TBCA: variants seen among roughly 807,000 people sequenced by gnomAD.
The protein encoded by TBCA is tubulin-specific chaperone A.
Under a neutral mutation model 15.8 loss-of-function variants are expected in TBCA, and 6 were observed. That is an observed-to-expected ratio of 0.38 (90% confidence interval 0.21 to 0.75). The LOEUF (loss-of-function observed/expected upper bound fraction) is 0.75. Ranked by LOEUF, TBCA falls within the 30% of genes least tolerant of loss-of-function variation. TBCA has a pLI of 0.46. For synonymous variants in TBCA, 32 were observed against 42.3 expected (o/e 0.76, Z 0.94); for missense variants, 90 against 131.2 (o/e 0.69, Z 1.53).
chr5:77,750,240 T>C (rs981112560), intron 1 of TBCA, among the ~76,000 whole-genome samples: 1 of 151,860 alleles, frequency 6.6e-6, no homozygotes, highest in African/African-American at 2.4e-5. Context: ...GATATATATA[T>C]CCTATTCAAA....
chr5:77,711,378 T>C (rs1746274883), intron 1 of TBCA, among the ~76,000 whole-genome samples: 1 of 152,176 alleles, frequency 6.6e-6, no homozygotes. Context: ...TTCCACTTAA[T>C]TCTGTCCATC....
intron 1 of TBCA, among the ~76,000 whole-genome samples, chr5:77,745,223 A>C (rs1296357739): frequency 6.6e-6 from 1 of 152,192 alleles, no homozygotes; most frequent in East Asian, 1.9e-4. Context: ...GAAGCAGAAA[A>C]CATTAGTATT....
chr5:77,693,550 G>A (rs1291866558), intron 2 of TBCA, 198 bp from the exon 3 acceptor site: 2 of 658,526 alleles, frequency 3.0e-6, no homozygotes, highest in South Asian at 1.8e-5. Context: ...TGTAATCCCA[G>A]CATTTTGGGA....
chr5:77,769,071 C>T (rs1272884521), intron 1 of TBCA, among the ~76,000 whole-genome samples: 1 of 152,190 alleles, frequency 6.6e-6, no homozygotes, highest in Non-Finnish European at 1.5e-5. Context: ...AGCCTTCTCC[C>T]TCTCCAGCTT....
At chr5:77,727,515 A>G (rs1168486552) in intron 1 of TBCA, among the ~76,000 whole-genome samples, 5 of 152,120 alleles carry the variant, frequency 3.3e-5, no homozygotes, top group African/African-American at 4.8e-5. Flanking sequence ...AAGTATAAAC[A>G]GAAAAGCAAT....
chr5:77,730,001 A>G (rs1746728018), intron 1 of TBCA, among the ~76,000 whole-genome samples: 1 of 152,194 alleles, frequency 6.6e-6, no homozygotes, highest in Admixed American at 6.5e-5. Flanking sequence ...TAAGTTTTAT[A>G]AATGTTTCCA....
chr5:77,743,467 C>T (rs1747096540), intron 1 of TBCA, among the ~76,000 whole-genome samples: 2 of 152,230 alleles, frequency 1.3e-5, no homozygotes, highest in South Asian at 4.1e-4. Flanking sequence ...AGTTCTGACC[C>T]TGAGTGCAGA....
chr5:77,731,908 G>C (rs1357859213), intron 1 of TBCA, among the ~76,000 whole-genome samples: 1 of 150,728 alleles, frequency 6.6e-6, no homozygotes, highest in South Asian at 2.1e-4. Flanking sequence ...ATTTCTAGCA[G>C]AGTTTCACTG....
At chr5:77,741,387 T>C (rs1052390470) in intron 1 of TBCA, among the ~76,000 whole-genome samples, 31 of 152,100 alleles carry the variant, frequency 2.0e-4, no homozygotes, top group African/African-American at 5.3e-4. Flanking sequence ...TCACAGAATG[T>C]TGGCTTTCAA....
At chr5:77,727,133 A>G (rs928431740) in intron 1 of TBCA, among the ~76,000 whole-genome samples, 5 of 149,988 alleles carry the variant, frequency 3.3e-5, no homozygotes, top group African/African-American at 1.2e-4. Context: ...GATACTTGGG[A>G]GGCTGAGGCA....
At chr5:77,776,184 G>A in intron 1 of TBCA, 21 bp downstream of exon 1, 1 of 1,554,874 alleles carries the variant, frequency 6.4e-7, no homozygotes, top group African/African-American at 1.4e-5. Context: ...GAGGTGCAGG[G>A]CGCCGCTCCC....
chr5:77,715,190 C>T, intron 1 of TBCA: 1 of 693,096 alleles, frequency 1.4e-6, no homozygotes. Flanking sequence ...TTTTTAGTTA[C>T]ATAAAAATGT....
chr5:77,708,217 A>G (rs1380987677), intron 2 of TBCA, 25 bp downstream of exon 2: 5 of 1,473,706 alleles, frequency 3.4e-6, no homozygotes, highest in African/African-American at 1.4e-5. Flanking sequence ...AATGTTAGCT[A>G]TTGTTATTTA....
intron 2 of TBCA, among the ~76,000 whole-genome samples, chr5:77,701,419 G>C (rs1164646918): frequency 6.6e-6 from 1 of 151,784 alleles, no homozygotes; most frequent in Non-Finnish European, 1.5e-5. Context: ...AATAGATGTT[G>C]GTGTGCATGT....
chr5:77,721,063 T>C (rs1746519262), intron 1 of TBCA, among the ~76,000 whole-genome samples: 1 of 152,196 alleles, frequency 6.6e-6, no homozygotes, highest in Non-Finnish European at 1.5e-5. Context: ...TTTAAATGGG[T>C]GAAGAAAATT....
intron 1 of TBCA, among the ~76,000 whole-genome samples, chr5:77,732,550 CAAAAAA>C (rs35780694): frequency 0.022 from 1,964 of 89,514 alleles, 65 homozygotes; most frequent in African/African-American, 0.079. Context: ...GACTCTGTCT[CAAAAAA>C]AAAAAAAAAA....
intron 1 of TBCA, among the ~76,000 whole-genome samples, chr5:77,711,673 T>A (rs1746281151): frequency 6.6e-6 from 1 of 152,232 alleles, no homozygotes; most frequent in South Asian, 2.1e-4. Flanking sequence ...ACATGGTAAC[T>A]TTTGAAGAAG....
chr5:77,723,939 A>G (rs1384918618), intron 1 of TBCA, among the ~76,000 whole-genome samples: 1 of 152,008 alleles, frequency 6.6e-6, no homozygotes, highest in Non-Finnish European at 1.5e-5. Flanking sequence ...TGTTTTCAAA[A>G]CTTTAAGCTG....
chr5:77,762,557 T>C (rs1747667044), intron 1 of TBCA, among the ~76,000 whole-genome samples: 1 of 152,216 alleles, frequency 6.6e-6, no homozygotes, highest in Admixed American at 6.5e-5. Context: ...TCAATCTTTC[T>C]TTAGAAATGC....
Sources: allele counts gnomAD v4.1 joint callset (sites outside exome capture counted in the v4.1 genomes callset), GRCh38; gene constraint gnomAD v4.1.1; transcripts MANE v1.5; gene names NCBI Gene and HGNC (gene_info 2026-07-23, HGNC 2026-07-21).